Variants in EPHB2 observed in about 807,000 individuals in gnomAD.
EPHB2 encodes EPH receptor B2.
Under a neutral mutation model 96.4 loss-of-function variants are expected in EPHB2, and 18 were observed. The observed-to-expected ratio is 0.19, with a 90% CI of 0.13 to 0.28. EPHB2 has a LOEUF of 0.28. EPHB2 is among the 10% of genes least tolerant of loss of function. EPHB2 has a pLI of 1.00. For synonymous variants in EPHB2, 506 were observed against 534.1 expected (o/e 0.95, Z 0.72); for missense variants, 989 against 1,355.4 (o/e 0.73, Z 4.25).
chr1:22,788,530 T>G (rs1042534088), intron 3 of EPHB2, among the ~76,000 whole-genome samples: 4 of 152,194 alleles, frequency 2.6e-5, no homozygotes, highest in African/African-American at 9.6e-5. Context: ...GCAGGAATGG[T>G]GATTCCAGCT....
chr1:22,714,235 C>T (rs541886290), intron 1 of EPHB2, among the ~76,000 whole-genome samples: 99 of 152,260 alleles, frequency 6.5e-4, no homozygotes, highest in South Asian at 1.5e-3. Context: ...CCCCCCGGGG[C>T]GGCAGGTGCA....
chr1:22,816,809 C>A (rs1645081582), intron 3 of EPHB2, among the ~76,000 whole-genome samples: 1 of 152,234 alleles, frequency 6.6e-6, no homozygotes, highest in Admixed American at 6.5e-5. Context: ...CTAATGGTGG[C>A]TGAGTGATTT....
intron 7 of EPHB2, among the ~76,000 whole-genome samples, chr1:22,894,300 G>A (rs1570449124): frequency 6.6e-6 from 1 of 152,302 alleles, no homozygotes; most frequent in Non-Finnish European, 1.5e-5. Context: ...CAGTGAGACA[G>A]TTGAGAAGTA....
chr1:22,822,114 G>A (rs1431711820), intron 3 of EPHB2, among the ~76,000 whole-genome samples: 1 of 152,186 alleles, frequency 6.6e-6, no homozygotes, highest in Non-Finnish European at 1.5e-5. Context: ...CTTAGATAGG[G>A]TTAAAAAATA....
intron 1 of EPHB2, among the ~76,000 whole-genome samples, chr1:22,754,579 G>A (rs1644114359): frequency 6.6e-6 from 1 of 151,306 alleles, no homozygotes; most frequent in African/African-American, 2.4e-5. Context: ...GTGTGCAGTG[G>A]AGCTTACCAC....
intron 3 of EPHB2, 36 bp from the exon 4 acceptor site, chr1:22,863,001 C>T: frequency 6.2e-7 from 1 of 1,613,758 alleles, no homozygotes; most frequent in Non-Finnish European, 8.5e-7. Flanking sequence ...AGTCTTCATC[C>T]AGTTTCCTGG....
At position 22,751,412 on chromosome 1, in the gene EPHB2, G is replaced by A. The variant is rs181374340; in HGVS notation, c.62-30009G>A. 1.2e-3 allele frequency among the ~76,000 whole-genome samples: 187 copies of A among 152,318 alleles called. 2 individuals carry two copies. The highest frequency in any genetic ancestry group is 4.2e-3 in the African/African-American group (175 of 41,572). On this transcript the variant is annotated intron_variant, in intron 1 of 15. Transcript: ENST00000374630. ...GTTATCTCTGCTGTTCTGGGAACAG[G>A]CAGATCTGAGCCCCAAGGCCCAAGC... is the stretch of plus-strand genomic sequence containing the variant.
At chr1:22,850,831 AT>A (rs1263364924) in intron 3 of EPHB2, among the ~76,000 whole-genome samples, 3 of 152,186 alleles carry the variant, frequency 2.0e-5, no homozygotes, top group Non-Finnish European at 4.4e-5. Flanking sequence ...GAAACGGCGC[AT>A]GCACAGGCCC....
At chr1:22,832,043 C>T (rs1164450574) in intron 3 of EPHB2, among the ~76,000 whole-genome samples, 1 of 152,220 alleles carries the variant, frequency 6.6e-6, no homozygotes, top group Non-Finnish European at 1.5e-5. Context: ...CTAGTTTCCT[C>T]TCTTGCAGTC....
At position 22,916,554 on chromosome 1, in the gene EPHB2, T is replaced by A. The variant is rs1640275585; in HGVS notation, c.*2984T>A. On this transcript the variant is annotated 3_prime_UTR_variant, in exon 16 of 16. Coordinates refer to ENST00000374630, the MANE Select transcript of EPHB2 (RefSeq NM_017449.5). This position sits in a 1 kb window ranked among gnomAD's most constrained non-coding sequence, Gnocchi z 4.2. ...CAGTCGCCCCGCCCCAACCTCTTGC[T>A]TGCTGCTCAGCGGGGAGTGGCAGGC... 3 of 135,034 alleles carry A rather than the reference T, an allele frequency of 2.2e-5. No individual in the cohort carries two copies. In the Admixed American group the frequency reaches 2.3e-4, roughly 10 times the overall value. 8.4% of individuals were successfully genotyped at this position (135,034 alleles called of 1,614,324 possible).
intron 3 of EPHB2, among the ~76,000 whole-genome samples, chr1:22,841,401 T>C (rs1394414769): frequency 1.3e-5 from 2 of 152,130 alleles, no homozygotes. Flanking sequence ...GGAGGGAGTC[T>C]GGACTGCAGG....
At chr1:22,729,894 A>G (rs982351355) in intron 1 of EPHB2, among the ~76,000 whole-genome samples, 15 of 152,322 alleles carry the variant, frequency 9.8e-5, no homozygotes, top group East Asian at 3.9e-4. Context: ...CAACTGATAT[A>G]TATTGATTGG....
rs1298791992 is a variant in EPHB2 at position 22,858,330 on chromosome 1, T to C, written c.812-4707T>C. 1.3e-5 allele frequency among the ~76,000 whole-genome samples: 2 copies of C among 152,128 alleles called. No homozygotes were observed. The highest frequency in any genetic ancestry group is 2.4e-5 in the African/African-American group (1 of 41,430). ...TTCTAAGTGCAGTGGGGATAAATGGTGCACGAGGGAGTTTAGACAAGATGC... is the reference window on the plus strand; with the variant it reads ...TTCTAAGTGCAGTGGGGATAAATGGCGCACGAGGGAGTTTAGACAAGATGC... On this transcript the variant is annotated intron_variant, in intron 3 of 15. Coordinates refer to ENST00000374630, the MANE Select transcript of EPHB2 (RefSeq NM_017449.5). This position sits in a 1 kb window ranked among gnomAD's most constrained non-coding sequence, Gnocchi z 7.7.
At chr1:22,912,098 C>A (rs187717116) in intron 14 of EPHB2, among the ~76,000 whole-genome samples, 3 of 152,230 alleles carry the variant, frequency 2.0e-5, no homozygotes, top group African/African-American at 4.8e-5. Flanking sequence ...GAAATCCCTC[C>A]TCCTGAAAAT....
intron 9 of EPHB2, among the ~76,000 whole-genome samples, chr1:22,899,333 C>T (rs1266078269): frequency 6.6e-6 from 1 of 151,798 alleles, no homozygotes; most frequent in East Asian, 1.9e-4. Flanking sequence ...GAAACCCCAT[C>T]TCTACTAAAA....
intron 3 of EPHB2, among the ~76,000 whole-genome samples, chr1:22,855,055 C>T (rs533157902): frequency 1.4e-4 from 22 of 152,350 alleles, no homozygotes; most frequent in African/African-American, 5.3e-4. Context: ...GAGCCACCCA[C>T]AGCTGGAGTC....
chr1:22,727,701 C>A (rs2148347490), intron 1 of EPHB2, among the ~76,000 whole-genome samples: 1 of 150,356 alleles, frequency 6.7e-6, no homozygotes, highest in East Asian at 1.9e-4. Context: ...TGGTGTCTCC[C>A]TTTTCTAGCT....
intron 5 of EPHB2, among the ~76,000 whole-genome samples, chr1:22,873,211 C>G (rs890229560): frequency 1.4e-4 from 21 of 152,188 alleles, no homozygotes; most frequent in Non-Finnish European, 1.5e-5. Context: ...TGGCGAGGTG[C>G]ATTCTTAGGT....
rs201121087 is a variant in EPHB2, at chr1:22,781,424, C to T, written c.65C>T (p.Thr22Met). ...LLPLLAAVEETLMDSTTATAE... is the reference protein window; with the variant it reads ...LLPLLAAVEEMLMDSTTATAE... ...TGACTCTTTGCTCTCCCCACAGAAA[C>T]GCTAATGGACTCCACTACAGCGACT... Residue 22 changes from threonine to methionine, a missense_variant, in exon 2 of 16, where the codon ACG becomes ATG. Physicochemically the swap from Thr to Met is moderately conservative, Grantham distance 81. Transcript: ENST00000374630. 8.7e-6 allele frequency: 14 copies of T among 1,613,882 alleles called. No homozygotes were observed. The highest frequency in any genetic ancestry group is 5.0e-5 in the Admixed American group (3 of 59,990).
Sources: gnomAD v4.1 joint callset for allele counts (sites outside exome capture counted in the v4.1 genomes callset) on GRCh38, gnomAD v4.1.1 for gene constraint, Gnocchi (gnomAD v3.1) non-coding constraint, MANE v1.5 for transcripts, NCBI Gene and HGNC (gene_info 2026-07-23, HGNC 2026-07-21) for gene names.